The following PAK1 variants were observed in gnomAD, a reference collection of about 807,000 sequenced individuals.
PAK1 encodes the protein p21 (RAC1) activated kinase 1, also known as serine/threonine-protein kinase PAK 1.
In PAK1, 29 loss-of-function variants were observed where a neutral mutation model predicts 67.4. The observed-to-expected ratio is 0.43, with a 90% CI of 0.32 to 0.59. PAK1 has a LOEUF of 0.59. Among genes scored for constraint, PAK1 ranks in the 20% least tolerant of loss-of-function variants. The pLI, the probability that PAK1 is intolerant of heterozygous loss-of-function variation, is 0.07. For missense variants in PAK1, 337 were observed against 670.7 expected (o/e 0.50, Z 5.50); for synonymous variants, 223 against 237.4 (o/e 0.94, Z 0.56).
At chr11:77,398,238 T>A (rs1193300018) in intron 1 of PAK1, among the ~76,000 whole-genome samples, 1 of 152,182 alleles carries the variant, frequency 6.6e-6, no homozygotes, top group Non-Finnish European at 1.5e-5. Flanking sequence ...CCATTAACCA[T>A]CCCTCCCTTT....
intron 1 of PAK1, among the ~76,000 whole-genome samples, chr11:77,439,867 C>T (rs982949619): frequency 4.6e-5 from 7 of 152,208 alleles, no homozygotes; most frequent in Non-Finnish European, 8.8e-5. Flanking sequence ...ATAAGATTGG[C>T]TCCACTCAGC....
the PAK1 span, among the ~76,000 whole-genome samples, chr11:77,492,744 A>T: frequency 6.6e-6 from 1 of 151,944 alleles, no homozygotes; most frequent in Admixed American, 6.5e-5. Flanking sequence ...AGGTATTTGG[A>T]TCTTGGGGGC....
In PAK1 at chr11:77,459,873, T is replaced by G. The variant is rs187829561; in HGVS notation, c.-22+13679A>C. ...CACCGCGCCTGGCTAATTTTTTGTG[T>G]TTTTAGTAGAGACGGGGTTTCACCG... On this transcript the variant is annotated intron_variant, in intron 1 of 14. Transcript: ENST00000356341. Among the ~76,000 whole-genome samples the G allele has an allele frequency of 3.1e-3, 465 of 151,972 alleles. 3 individuals carry two copies. The highest frequency in any genetic ancestry group is 0.01 in the African/African-American group (433 of 41,468).
At chr11:77,403,506 CACT>C (rs1218174778) in intron 1 of PAK1, among the ~76,000 whole-genome samples, 3 of 152,178 alleles carry the variant, frequency 2.0e-5, no homozygotes, top group African/African-American at 7.2e-5. Flanking sequence ...CAAGAATTTC[CACT>C]ACAATTCCTA....
chr11:77,522,623 G>A, the PAK1 span, among the ~76,000 whole-genome samples: 2 of 152,190 alleles, frequency 1.3e-5, no homozygotes, highest in Non-Finnish European at 2.9e-5. Flanking sequence ...GTGTTAGTGG[G>A]AATGTAAATT....
At chr11:77,510,271 C>A in the PAK1 span, among the ~76,000 whole-genome samples, 3 of 152,076 alleles carry the variant, frequency 2.0e-5, no homozygotes, top group African/African-American at 7.2e-5. Context: ...GTAAATATTA[C>A]CTCTCTAAAT....
At chr11:77,370,421 T>TG (rs1948272727) in intron 5 of PAK1, among the ~76,000 whole-genome samples, 1 of 152,250 alleles carries the variant, frequency 6.6e-6, no homozygotes, top group African/African-American at 2.4e-5. Flanking sequence ...CAAATGCACC[T>TG]GCTGCCTTTT....
At chr11:77,403,412 A>G (rs1952983720) in intron 1 of PAK1, among the ~76,000 whole-genome samples, 1 of 152,164 alleles carries the variant, frequency 6.6e-6, no homozygotes, top group Non-Finnish European at 1.5e-5. Flanking sequence ...TACTCTCATG[A>G]TTACACCCAG....
At chr11:77,415,810 A>G (rs1954915067) in intron 1 of PAK1, among the ~76,000 whole-genome samples, 1 of 152,044 alleles carries the variant, frequency 6.6e-6, no homozygotes. Flanking sequence ...TTCTTCAACA[A>G]TAAATTAACC....
chr11:77,395,263 T>C (rs1010336727), intron 1 of PAK1, among the ~76,000 whole-genome samples: 4 of 152,170 alleles, frequency 2.6e-5, no homozygotes, highest in Non-Finnish European at 5.9e-5. Context: ...CTTCTATTAT[T>C]GCTATTACAA....
At chr11:77,454,478 T>C (rs1430176798) in intron 1 of PAK1, among the ~76,000 whole-genome samples, 1 of 152,206 alleles carries the variant, frequency 6.6e-6, no homozygotes, top group Non-Finnish European at 1.5e-5. Context: ...GTTGGCTGCC[T>C]ACCCAGCATC....
intron 13 of PAK1, among the ~76,000 whole-genome samples, chr11:77,334,246 T>A (rs1470544253): frequency 6.6e-6 from 1 of 152,090 alleles, no homozygotes; most frequent in Non-Finnish European, 1.5e-5. Context: ...ATTTCCAACA[T>A]ATCCCAGCAA....
intron 5 of PAK1, among the ~76,000 whole-genome samples, chr11:77,359,849 A>G (rs897576061): frequency 1.3e-5 from 2 of 152,152 alleles, no homozygotes; most frequent in Non-Finnish European, 2.9e-5. Context: ...TTTGATAGAT[A>G]CCAAATGATT....
chr11:77,366,244 T>C (rs1021734440), intron 5 of PAK1, among the ~76,000 whole-genome samples: 1 of 152,172 alleles, frequency 6.6e-6, no homozygotes, highest in Non-Finnish European at 1.5e-5. Flanking sequence ...TAATACCAAA[T>C]AGTAACTCAA....
At chr11:77,351,911 T>C (rs919371289) in intron 8 of PAK1, among the ~76,000 whole-genome samples, 2 of 152,032 alleles carry the variant, frequency 1.3e-5, no homozygotes, top group African/African-American at 4.8e-5. Context: ...ATAACTTAAT[T>C]TGCACAAATC....
intron 1 of PAK1, chr11:77,397,023 A>G (rs544513527): frequency 1.3e-5 from 2 of 152,360 alleles, no homozygotes; most frequent in East Asian, 3.9e-4. Context: ...GTGAGTATAC[A>G]CACCTTAATC....
intron 8 of PAK1, among the ~76,000 whole-genome samples, chr11:77,349,806 G>C (rs114370663): frequency 0.033 from 5,009 of 151,994 alleles, 137 homozygotes; most frequent in African/African-American, 0.077. Context: ...TTTCAACTGG[G>C]GGGGTGACAG....
the PAK1 span, among the ~76,000 whole-genome samples, chr11:77,493,272 G>GTT: frequency 5.3e-3 from 488 of 92,654 alleles, 7 homozygotes; most frequent in African/African-American, 0.024. Context: ...TCATTTTTTT[G>GTT]TTGTTTTTTT....
chr11:77,459,886 C>T (rs1234501060), intron 1 of PAK1, among the ~76,000 whole-genome samples: 4 of 151,308 alleles, frequency 2.6e-5, no homozygotes, highest in East Asian at 3.9e-4. Flanking sequence ...TTAGTAGAGA[C>T]GGGGTTTCAC....
Sources: gnomAD v4.1 joint callset for allele counts (sites outside exome capture counted in the v4.1 genomes callset) on GRCh38, gnomAD v4.1.1 for gene constraint, MANE v1.5 for transcripts, NCBI Gene and HGNC (gene_info 2026-07-23, HGNC 2026-07-21) for gene names.